WWOX: variants seen among roughly 807,000 people sequenced by gnomAD.
The protein encoded by WWOX is WW domain containing oxidoreductase.
Under a neutral mutation model 46.2 loss-of-function variants are expected in WWOX, and 69 were observed. That is an observed-to-expected ratio of 1.49 (90% CI 1.23 to 1.82). WWOX has a LOEUF of 1.82. Ranked by LOEUF, WWOX falls within the 40% of genes most tolerant of loss-of-function variation. The pLI, the probability that WWOX is intolerant of heterozygous loss-of-function variation, is 0.00. For missense variants in WWOX, 919 were observed against 542.6 expected (o/e 1.69, Z -6.89); for synonymous variants, 359 against 202.6 (o/e 1.77, Z -6.56).
At chr16:78,259,950 TAAAA>T (rs2038234359) in intron 5 of WWOX, among the ~76,000 whole-genome samples, 2 of 151,280 alleles carry the variant, frequency 1.3e-5, no homozygotes, top group African/African-American at 4.9e-5. Flanking sequence ...CTGCATAGGA[TAAAA>T]TCCTATGCAG....
chr16:78,567,525 C>G (rs545767327), intron 8 of WWOX, among the ~76,000 whole-genome samples: 2 of 138,218 alleles, frequency 1.4e-5, no homozygotes, highest in South Asian at 4.7e-4. Context: ...TGCACTCCAG[C>G]CTGGGCGACA....
intron 8 of WWOX, among the ~76,000 whole-genome samples, chr16:78,940,794 A>T (rs1417662319): frequency 6.9e-6 from 1 of 145,114 alleles, no homozygotes; most frequent in African/African-American, 2.6e-5. Context: ...TTGTCCTCTT[A>T]TCCTGGTCCT....
intron 8 of WWOX, among the ~76,000 whole-genome samples, chr16:78,603,492 C>G (rs1440211528): frequency 2.0e-5 from 3 of 152,112 alleles, no homozygotes; most frequent in African/African-American, 4.8e-5. Flanking sequence ...GCCAGGAGTT[C>G]GAGACCAGCC....
At chr16:78,325,502 A>G (rs1270664993) in intron 5 of WWOX, among the ~76,000 whole-genome samples, 1 of 152,144 alleles carries the variant, frequency 6.6e-6, no homozygotes, top group African/African-American at 2.4e-5. Flanking sequence ...TAGAATGACA[A>G]ATGAGGCAAA....
intron 8 of WWOX, among the ~76,000 whole-genome samples, chr16:78,946,390 C>A (rs1490930172): frequency 6.6e-6 from 1 of 152,000 alleles, no homozygotes; most frequent in African/African-American, 2.4e-5. Context: ...GGGGTTTCAC[C>A]ATGTTGGCCA....
At chr16:78,396,331 G>C (rs985036942) in intron 6 of WWOX, among the ~76,000 whole-genome samples, 2 of 151,686 alleles carry the variant, frequency 1.3e-5, no homozygotes, top group Non-Finnish European at 2.9e-5. Flanking sequence ...GAGCCTTTTT[G>C]CCATATTAAA....
At chr16:79,082,779 G>C (rs571814538) in intron 8 of WWOX, among the ~76,000 whole-genome samples, 55 of 151,840 alleles carry the variant, frequency 3.6e-4, no homozygotes, top group African/African-American at 1.2e-3. Flanking sequence ...AGATGGGAGG[G>C]AGGTGATATT....
intron 5 of WWOX, among the ~76,000 whole-genome samples, chr16:78,385,228 C>G (rs543259945): frequency 2.6e-5 from 4 of 152,128 alleles, no homozygotes; most frequent in African/African-American, 9.7e-5. Flanking sequence ...GTAATCTGGT[C>G]TGATGTGGCC....
At chr16:79,106,746 T>G (rs2049316853) in intron 8 of WWOX, 1 of 150,604 alleles carries the variant, frequency 6.6e-6, no homozygotes, top group Non-Finnish European at 1.5e-5. Flanking sequence ...AGCCTCCGAG[T>G]AACTGAGACT....
At chr16:78,663,312 A>G (rs1304964744) in intron 8 of WWOX, among the ~76,000 whole-genome samples, 3 of 152,182 alleles carry the variant, frequency 2.0e-5, no homozygotes, top group Non-Finnish European at 4.4e-5. Flanking sequence ...TCATGTATTA[A>G]TATTATGTTG....
At chr16:78,730,045 C>G (rs143834229) in intron 8 of WWOX, among the ~76,000 whole-genome samples, 1 of 152,118 alleles carries the variant, frequency 6.6e-6, no homozygotes, top group Admixed American at 6.5e-5. Flanking sequence ...GTAACAGTGA[C>G]TTTGATATAT....
intron 8 of WWOX, among the ~76,000 whole-genome samples, chr16:78,476,144 C>G (rs922522889): frequency 3.9e-5 from 6 of 152,304 alleles, no homozygotes; most frequent in East Asian, 1.9e-4. Flanking sequence ...GGTGGTGAAG[C>G]TACTGGATAG....
At chr16:78,607,713 GGT>G (rs1442048687) in intron 8 of WWOX, among the ~76,000 whole-genome samples, 1 of 151,176 alleles carries the variant, frequency 6.6e-6, no homozygotes, top group Non-Finnish European at 1.5e-5. Context: ...ACTGGAGTAG[GGT>G]GTGTGTGTGT....
intron 8 of WWOX, among the ~76,000 whole-genome samples, chr16:78,648,277 C>T (rs190006862): frequency 6.6e-6 from 1 of 152,310 alleles, no homozygotes; most frequent in Admixed American, 6.5e-5. Flanking sequence ...TTTAGATAGT[C>T]TGGAGGCCCT....
intron 8 of WWOX, among the ~76,000 whole-genome samples, chr16:78,968,638 C>T (rs1300455489): frequency 6.6e-6 from 1 of 152,180 alleles, no homozygotes; most frequent in East Asian, 1.9e-4. Flanking sequence ...TGACAAAAAG[C>T]ACAAGCCCCA....
intron 5 of WWOX, among the ~76,000 whole-genome samples, chr16:78,217,068 C>T (rs145193018): frequency 3.9e-5 from 6 of 152,144 alleles, no homozygotes; most frequent in East Asian, 1.9e-4. Context: ...TTAATTTCAC[C>T]GGTAACCTGA....
chr16:78,606,523 G>T (rs1282709496), intron 8 of WWOX, among the ~76,000 whole-genome samples: 1 of 151,878 alleles, frequency 6.6e-6, no homozygotes, highest in African/African-American at 2.4e-5. Context: ...CCCTTCATAT[G>T]AGCCCCTCTG....
At position 79,211,727 on chromosome 16, in the gene WWOX, G is replaced by T. The variant is rs763482100; in HGVS notation, c.1176G>T (p.Glu392Asp). ...CCTCACCAGAAGCTCAGAGCGAAGA[G>T]ACGGCCCGGACCCTGTGGGCGCTCA... ...CMPSPEAQSE[E>D]TARTLWALSE... The change falls in exon 9 of 9, where the codon GAG becomes GAT. Residue 392 changes from glutamate (E) to aspartate (D), a missense_variant. Physicochemically the swap from Glu to Asp is conservative, Grantham distance 45 (BLOSUM62 2). Coordinates refer to ENST00000566780, the MANE Select transcript of WWOX (RefSeq NM_016373.4). 2 of 1,614,248 alleles carry T rather than the reference G, an allele frequency of 1.2e-6. No individual in the cohort carries two copies. The highest frequency in any genetic ancestry group is 1.7e-6 in the Non-Finnish European group (2 of 1,180,046).
At position 78,348,502 on chromosome 16, in the gene WWOX, G is replaced by C. The variant is rs576339967; in HGVS notation, c.517-38358G>C. On this transcript the variant is annotated intron_variant, in intron 5 of 8. Transcript: ENST00000566780. Reference sequence around the variant, plus strand: ...TTTGAGACAGGGTCTCTGTCGCTCAGGCTGGATTGAGTGCAGTGAATCTTG... The same window carrying C: ...TTTGAGACAGGGTCTCTGTCGCTCACGCTGGATTGAGTGCAGTGAATCTTG... Among the ~76,000 whole-genome samples the C allele has an allele frequency of 2.5e-5, 3 of 121,178 alleles. 1 individual carries two copies. Among genetic ancestry groups the C allele is most frequent in the East Asian group, 1.9e-4 (1 of 5,170 alleles). 79.5% of individuals were successfully genotyped at this position (121,178 alleles called of 152,430 possible).
Sources: allele counts gnomAD v4.1 joint callset (sites outside exome capture counted in the v4.1 genomes callset), GRCh38; gene constraint gnomAD v4.1.1; transcripts MANE v1.5; gene names NCBI Gene and HGNC (gene_info 2026-07-23, HGNC 2026-07-21).